The following ANXA8 variants were observed in gnomAD, a reference collection of about 807,000 sequenced individuals.
The protein encoded by ANXA8 is VAC-beta.
A neutral mutation model predicts 26.8 loss-of-function variants in ANXA8; 9 were observed. The ratio of observed to expected loss-of-function variants is 0.34; its 90% confidence interval spans 0.20 to 0.59. ANXA8 has a LOEUF of 0.59. Ranked by LOEUF, ANXA8 falls within the 20% of genes least tolerant of loss-of-function variation. The pLI, the probability that ANXA8 is intolerant of heterozygous loss-of-function variation, is 0.84. For synonymous variants in ANXA8, 39 were observed against 94.8 expected, an observed-to-expected ratio of 0.41 and a Z score of 3.42; for missense variants, 83 against 238.5, an observed-to-expected ratio of 0.35 and a Z score of 4.29.
At chr10:47,683,150 T>C in the ANXA8 span, among the ~76,000 whole-genome samples, 1 of 151,684 alleles carries the variant, frequency 6.6e-6, no homozygotes, top group Non-Finnish European at 1.5e-5. Context: ...ATCTTATATC[T>C]TTTCATAAGT....
chr10:47,583,778 C>T, the ANXA8 span, among the ~76,000 whole-genome samples: 1 of 145,054 alleles, frequency 6.9e-6, no homozygotes, highest in Non-Finnish European at 1.5e-5. Context: ...GGGCAGAGAG[C>T]CAGAGGACTG....
chr10:47,619,353 C>A, the ANXA8 span, among the ~76,000 whole-genome samples: 3 of 112,924 alleles, frequency 2.7e-5, 1 homozygote, highest in African/African-American at 1.0e-4. Context: ...ATCCTTTACC[C>A]ACAATGAGAA....
At chr10:47,733,203 T>TTCTCTCTCTCTCTC in the ANXA8 span, among the ~76,000 whole-genome samples, 11 of 107,730 alleles carry the variant, frequency 1.0e-4, no homozygotes, top group Non-Finnish European at 1.9e-4. Context: ...CTTTCTTTCT[T>TTCTCTCTCTCTCTC]TCTTTCTTTC....
At chr10:47,749,257 C>A in the ANXA8 span, among the ~76,000 whole-genome samples, 32 of 114,994 alleles carry the variant, frequency 2.8e-4, no homozygotes, top group African/African-American at 9.4e-4. Flanking sequence ...CAAAAAAACA[C>A]AAAAAAACCT....
At chr10:47,636,696 G>A in the ANXA8 span, among the ~76,000 whole-genome samples, 28 of 152,114 alleles carry the variant, frequency 1.8e-4, no homozygotes, top group Admixed American at 1.2e-3. Flanking sequence ...AGCAGGGTAC[G>A]AAGGACCTTC....
the ANXA8 span, among the ~76,000 whole-genome samples, chr10:47,581,932 A>G: frequency 6.7e-6 from 1 of 150,008 alleles, no homozygotes. Flanking sequence ...ATTAAAACCC[A>G]ACATATGCTA....
the ANXA8 span, among the ~76,000 whole-genome samples, chr10:47,616,983 C>A: frequency 1.4e-5 from 1 of 70,962 alleles, no homozygotes; most frequent in East Asian, 2.7e-4. Context: ...TAGGGATACT[C>A]ATCATTTAAT....
the ANXA8 span, among the ~76,000 whole-genome samples, chr10:47,703,182 A>G: frequency 4.8e-3 from 724 of 151,966 alleles, 12 homozygotes; most frequent in African/African-American, 0.016. Context: ...ATATAAAGAC[A>G]TATTTATTTC....
chr10:47,939,048 C>T, the ANXA8 span, among the ~76,000 whole-genome samples: 2 of 145,046 alleles, frequency 1.4e-5, no homozygotes, highest in Non-Finnish European at 1.5e-5. Context: ...CACTCCTGGC[C>T]ACCACACTCT....
chr10:47,668,997 G>A, the ANXA8 span, among the ~76,000 whole-genome samples: 1 of 151,872 alleles, frequency 6.6e-6, no homozygotes, highest in African/African-American at 2.4e-5. Flanking sequence ...GTGAGAGAGT[G>A]AGGGAAGTAG....
chr10:47,591,434 A>ATTTTTT, the ANXA8 span, among the ~76,000 whole-genome samples: 1 of 60,212 alleles, frequency 1.7e-5, no homozygotes, highest in Non-Finnish European at 2.9e-5. Flanking sequence ...TTCTTTCTGA[A>ATTTTTT]TTTTTTTTTT....
chr10:47,767,160 CTG>C, the ANXA8 span, among the ~76,000 whole-genome samples: 1 of 146,638 alleles, frequency 6.8e-6, no homozygotes, highest in Non-Finnish European at 1.5e-5. Context: ...ATGTGGAAGA[CTG>C]TGTTTCTCAA....
chr10:47,723,727 G>C, the ANXA8 span, among the ~76,000 whole-genome samples: 2 of 130,034 alleles, frequency 1.5e-5, 1 homozygote, highest in Non-Finnish European at 3.3e-5. Flanking sequence ...TTTCGTATTT[G>C]TACTTAACAT....
At chr10:47,684,301 C>T in the ANXA8 span, among the ~76,000 whole-genome samples, 49 of 152,290 alleles carry the variant, frequency 3.2e-4, no homozygotes, top group African/African-American at 1.2e-3. Flanking sequence ...CATCCTCCTA[C>T]TCACATACTC....
chr10:47,707,935 C>CA, the ANXA8 span, among the ~76,000 whole-genome samples: 1 of 134,898 alleles, frequency 7.4e-6, no homozygotes, highest in South Asian at 2.4e-4. Flanking sequence ...TTCATTGTAG[C>CA]ACTATTCACA....
chr10:47,566,612 C>T, the ANXA8 span, among the ~76,000 whole-genome samples: 55 of 146,394 alleles, frequency 3.8e-4, no homozygotes, highest in African/African-American at 1.3e-3. Context: ...GAGCTGTTCC[C>T]TCTCAGGGGA....
chr10:47,989,952 G>A, the ANXA8 span, among the ~76,000 whole-genome samples: 1 of 47,184 alleles, frequency 2.1e-5, no homozygotes, highest in Admixed American at 2.4e-4. Flanking sequence ...CTCAGCTGTT[G>A]CAGGTGGGGT....
At chr10:47,528,081 TG>T in the ANXA8 span, among the ~76,000 whole-genome samples, 173 of 138,134 alleles carry the variant, frequency 1.3e-3, 5 homozygotes, top group African/African-American at 4.0e-3. Context: ...TTTAACAGAA[TG>T]TTTTTTTTTT....
chr10:47,502,405 A>G, the ANXA8 span: 1 of 1,610,266 alleles, frequency 6.2e-7, no homozygotes, highest in Non-Finnish European at 8.5e-7. Flanking sequence ...GGCCAGAAAG[A>G]GCTTCTCCTC....
Sources: gnomAD v4.1 joint callset for allele counts (sites outside exome capture counted in the v4.1 genomes callset) on GRCh38, gnomAD v4.1.1 for gene constraint, MANE v1.5 for transcripts, NCBI Gene and HGNC (gene_info 2026-07-23, HGNC 2026-07-21) for gene names.